GLCCI1: variants seen among roughly 807,000 people sequenced by gnomAD.
GLCCI1 encodes the protein glucocorticoid induced 1.
In GLCCI1, 24 loss-of-function variants were observed where a neutral mutation model predicts 52.2. The ratio of observed to expected loss-of-function variants is 0.46; its 90% confidence interval spans 0.33 to 0.65. The LOEUF is 0.65. Ranked by LOEUF, GLCCI1 falls within the 30% of genes least tolerant of loss-of-function variation. The pLI is 0.02. For synonymous variants in GLCCI1, 310 were observed against 276.5 expected (o/e 1.12, Z -1.20); for missense variants, 704 against 701.5 (o/e 1.00, Z -0.04).
At chr7:7,984,125 A>T (rs970588806) in intron 1 of GLCCI1, among the ~76,000 whole-genome samples, 1 of 152,168 alleles carries the variant, frequency 6.6e-6, no homozygotes, top group Non-Finnish European at 1.5e-5. Flanking sequence ...CAGTGGCGCA[A>T]TCATGGCTCA....
At chr7:8,047,108 C>A (rs1475799753) in intron 3 of GLCCI1, among the ~76,000 whole-genome samples, 1 of 152,128 alleles carries the variant, frequency 6.6e-6, no homozygotes, top group African/African-American at 2.4e-5. Context: ...ATATTACTTA[C>A]AAAGAAATGA....
At chr7:8,004,470 A>G (rs78031447) in intron 2 of GLCCI1, among the ~76,000 whole-genome samples, 4 of 152,330 alleles carry the variant, frequency 2.6e-5, no homozygotes, top group Non-Finnish European at 4.4e-5. Flanking sequence ...TTTCTGTTTA[A>G]AACCAAGACT....
chr7:8,080,162 A>T (rs1426999041), intron 6 of GLCCI1, among the ~76,000 whole-genome samples: 1 of 151,518 alleles, frequency 6.6e-6, no homozygotes, highest in Non-Finnish European at 1.5e-5. Flanking sequence ...GTTTCTGCTG[A>T]TTTCATTAGG....
intron 3 of GLCCI1, among the ~76,000 whole-genome samples, chr7:8,030,850 A>G (rs1449889740): frequency 6.6e-6 from 1 of 152,154 alleles, no homozygotes; most frequent in Non-Finnish European, 1.5e-5. Context: ...ATCTCACCCC[A>G]GTTAAGATGA....
At chr7:8,072,037 CAT>C (rs1782773886) in intron 6 of GLCCI1, among the ~76,000 whole-genome samples, 1 of 152,168 alleles carries the variant, frequency 6.6e-6, no homozygotes, top group Non-Finnish European at 1.5e-5. Flanking sequence ...TGAATTTTTA[CAT>C]ATGTGTGTGC....
At chr7:7,977,111 A>T (rs967338098) in intron 1 of GLCCI1, among the ~76,000 whole-genome samples, 5 of 152,180 alleles carry the variant, frequency 3.3e-5, no homozygotes, top group African/African-American at 1.2e-4. Context: ...CGTATAGCTA[A>T]TTTTAACTTT....
chr7:7,999,104 A>G (rs1226800821), intron 1 of GLCCI1, among the ~76,000 whole-genome samples: 1 of 152,060 alleles, frequency 6.6e-6, no homozygotes, highest in Non-Finnish European at 1.5e-5. Flanking sequence ...TTTGAAGACC[A>G]TAGTTCTGAC....
At chr7:8,029,679 A>G (rs1266796709) in intron 3 of GLCCI1, among the ~76,000 whole-genome samples, 1 of 104,986 alleles carries the variant, frequency 9.5e-6, no homozygotes, top group Admixed American at 9.4e-5. Context: ...ACTCCATCAA[A>G]AAGCTATTAA....
chr7:7,982,032 G>T, intron 1 of GLCCI1: 1 of 448,990 alleles, frequency 2.2e-6, no homozygotes, highest in Non-Finnish European at 4.4e-6. Flanking sequence ...GAAGAAAGCT[G>T]TTGGGAGAAA....
chr7:8,025,792 G>T (rs1451205206), intron 3 of GLCCI1, among the ~76,000 whole-genome samples: 1 of 152,194 alleles, frequency 6.6e-6, no homozygotes, highest in African/African-American at 2.4e-5. Flanking sequence ...GGGACCATAA[G>T]GCCTGATGCA....
At chr7:8,070,135 C>G (rs1782723964) in intron 5 of GLCCI1, 1 of 152,176 alleles carries the variant, frequency 6.6e-6, no homozygotes, top group South Asian at 2.1e-4. Flanking sequence ...CTATAGGTTC[C>G]TCATTTGTGA....
At chr7:7,989,086 A>T (rs1324707451) in intron 1 of GLCCI1, among the ~76,000 whole-genome samples, 2 of 152,174 alleles carry the variant, frequency 1.3e-5, no homozygotes, top group Non-Finnish European at 2.9e-5. Context: ...TCCCTAAATG[A>T]TCAAGTAAAA....
At chr7:8,057,339 A>G (rs1287578862) in intron 4 of GLCCI1, among the ~76,000 whole-genome samples, 1 of 152,180 alleles carries the variant, frequency 6.6e-6, no homozygotes, top group Non-Finnish European at 1.5e-5. Flanking sequence ...CACTTCATGT[A>G]TCCATGCATC....
At chr7:8,010,059 A>T (rs994338791) in intron 2 of GLCCI1, among the ~76,000 whole-genome samples, 3 of 151,914 alleles carry the variant, frequency 2.0e-5, no homozygotes, top group Non-Finnish European at 4.4e-5. Context: ...TGAGTTTTAT[A>T]GGCCTTAAAC....
At chr7:8,074,616 T>C (rs957833472) in intron 6 of GLCCI1, among the ~76,000 whole-genome samples, 5 of 151,622 alleles carry the variant, frequency 3.3e-5, no homozygotes, top group African/African-American at 1.2e-4. Context: ...ACTTGGGAGG[T>C]GGAGGTTGCA....
At chr7:8,065,339 T>C (rs568507871) in intron 5 of GLCCI1, among the ~76,000 whole-genome samples, 1 of 152,348 alleles carries the variant, frequency 6.6e-6, no homozygotes, top group South Asian at 2.1e-4. Flanking sequence ...TAGAATCATA[T>C]TGTCTAAAAC....
chr7:8,047,262 A>T (rs569159651), intron 3 of GLCCI1, among the ~76,000 whole-genome samples: 1 of 152,240 alleles, frequency 6.6e-6, no homozygotes, highest in Non-Finnish European at 1.5e-5. Flanking sequence ...CATTGTATTT[A>T]CTAGAGATTT....
intron 3 of GLCCI1, among the ~76,000 whole-genome samples, chr7:8,033,155 A>G (rs1476864256): frequency 6.6e-6 from 1 of 152,068 alleles, no homozygotes; most frequent in African/African-American, 2.4e-5. Context: ...CATAAATTAC[A>G]TAATCACCTA....
chr7:8,043,145 T>C (rs1782040068), intron 3 of GLCCI1, among the ~76,000 whole-genome samples: 1 of 152,258 alleles, frequency 6.6e-6, no homozygotes, highest in Non-Finnish European at 1.5e-5. Context: ...GTATGTATAT[T>C]GTTTTTAGAC....
Sources: allele counts gnomAD v4.1 joint callset (sites outside exome capture counted in the v4.1 genomes callset), GRCh38; gene constraint gnomAD v4.1.1; transcripts MANE v1.5; gene names NCBI Gene and HGNC (gene_info 2026-07-23, HGNC 2026-07-21).